BBS9: variants seen among roughly 807,000 people sequenced by gnomAD.
The protein encoded by BBS9 is Bardet-Biedl syndrome 9.
Under a neutral mutation model 117.7 loss-of-function variants are expected in BBS9, and 89 were observed. The observed-to-expected ratio is 0.76, with a 90% CI of 0.64 to 0.90. BBS9 has a LOEUF of 0.90. Among genes scored for constraint, BBS9 ranks in the 40% least tolerant of loss-of-function variants. The pLI is 0.00. For synonymous variants in BBS9, 379 were observed against 370.9 expected, an observed-to-expected ratio of 1.02 and a Z score of -0.25; for missense variants, 982 against 1,042.2, an observed-to-expected ratio of 0.94 and a Z score of 0.80.
intron 19 of BBS9, among the ~76,000 whole-genome samples, chr7:33,424,497 G>T (rs915801619): frequency 6.6e-6 from 1 of 151,988 alleles, no homozygotes; most frequent in African/African-American, 2.4e-5. Flanking sequence ...TCTGAGGCAG[G>T]GTCCAGGAAA....
intron 11 of BBS9, among the ~76,000 whole-genome samples, chr7:33,344,078 G>GTTTTTTTTTTTTTTTTTTTTTTT (rs34530007): frequency 1.5e-5 from 1 of 67,466 alleles, no homozygotes; most frequent in African/African-American, 6.6e-5. Flanking sequence ...TAGGGGATGA[G>GTTTTTTTTTTTTTTTTTTTTTTT]TTTTTTTTTT....
At chr7:33,612,966 C>A (rs1864953068) in intron 21 of BBS9, among the ~76,000 whole-genome samples, 1 of 151,390 alleles carries the variant, frequency 6.6e-6, no homozygotes. Flanking sequence ...AAATAGAGAT[C>A]TATTCATTCA....
chr7:33,501,994 T>A (rs1845516318), intron 19 of BBS9, among the ~76,000 whole-genome samples: 1 of 152,090 alleles, frequency 6.6e-6, no homozygotes, highest in Non-Finnish European at 1.5e-5. Flanking sequence ...CACTGCAACC[T>A]CCGACTCCCT....
intron 17 of BBS9, among the ~76,000 whole-genome samples, chr7:33,376,302 A>G (rs1274464599): frequency 1.3e-5 from 2 of 151,366 alleles, no homozygotes; most frequent in Non-Finnish European, 3.0e-5. Context: ...TGTTGTTGTT[A>G]TTGTTCCTGC....
chr7:33,527,041 C>T (rs1359004456), intron 20 of BBS9, among the ~76,000 whole-genome samples: 1 of 151,516 alleles, frequency 6.6e-6, no homozygotes, highest in Non-Finnish European at 1.5e-5. Context: ...TTGGGGGGTG[C>T]CTCCCAGTTA....
chr7:33,150,181 A>T (rs17169855), intron 2 of BBS9, among the ~76,000 whole-genome samples: 24,642 of 152,214 alleles, frequency 0.16, 2,138 homozygotes, highest in South Asian at 0.21. Flanking sequence ...ATTAAGCCCC[A>T]CTATCTGAGT....
In BBS9 at chr7:33,280,913, T is replaced by C. The variant is rs1415520340; in HGVS notation, c.1016+6957T>C. On this transcript the variant is annotated intron_variant, in intron 9 of 22. Coordinates refer to ENST00000242067, the MANE Select transcript of BBS9 (RefSeq NM_198428.3). ...TTTGCTGTTAATTTGTCGTTTTTGT[T>C]TTTTTTTTTTTTTTTTTGCATTATA... 3.0e-3 allele frequency among the ~76,000 whole-genome samples: 409 copies of C among 135,832 alleles called. 5 individuals are homozygous for C. Among genetic ancestry groups the C allele is most frequent in the African/African-American group, 0.013 (386 of 30,696 alleles). The allele number at this position is 135,832 out of a possible 152,430, so 89.1% of individuals were successfully genotyped here. A position where few individuals can be genotyped will look rare whatever the true frequency, so the allele number is the denominator to read the frequency against.
rs143928785 is a variant in BBS9 at position 33,319,119 on chromosome 7, C to T, written c.1017-17322C>T. Reference sequence around the variant, plus strand: ...CAGAGGTTGCAGTGAGCCAAGATCGCGCCACTGCCCTCCAGCCTGGGTGAC... The same window carrying T: ...CAGAGGTTGCAGTGAGCCAAGATCGTGCCACTGCCCTCCAGCCTGGGTGAC... On this transcript the variant is annotated intron_variant, in intron 9 of 22. Coordinates refer to ENST00000242067, the MANE Select transcript of BBS9 (RefSeq NM_198428.3). Among the ~76,000 whole-genome samples the T allele has an allele frequency of 3.5e-3, 533 of 151,106 alleles. 17 individuals carry two copies. The East Asian group carries it at 0.058, about 16-fold the overall frequency.
At chr7:33,221,955 C>A (rs575512372) in intron 5 of BBS9, among the ~76,000 whole-genome samples, 1 of 151,916 alleles carries the variant, frequency 6.6e-6, no homozygotes, top group African/African-American at 2.4e-5. Flanking sequence ...GGCTAAAGAC[C>A]AAATACAGTA....
At chr7:33,541,882 A>C (rs1023639985) in intron 21 of BBS9, among the ~76,000 whole-genome samples, 1 of 152,202 alleles carries the variant, frequency 6.6e-6, no homozygotes, top group Non-Finnish European at 1.5e-5. Context: ...TGGTGATATG[A>C]CTATACTAAA....
At chr7:33,213,304 T>C (rs547171365) in intron 5 of BBS9, among the ~76,000 whole-genome samples, 1 of 152,252 alleles carries the variant, frequency 6.6e-6, no homozygotes, top group African/African-American at 2.4e-5. Context: ...CCACTGACCA[T>C]GTTCACTTAA....
At chr7:33,288,607 A>T (rs60706230) in intron 9 of BBS9, among the ~76,000 whole-genome samples, 369 of 152,292 alleles carry the variant, frequency 2.4e-3, no homozygotes, top group African/African-American at 8.4e-3. Flanking sequence ...TCAAAAAATT[A>T]CCTTTTATGT....
At chr7:33,192,336 G>A (rs899775445) in intron 5 of BBS9, among the ~76,000 whole-genome samples, 7 of 152,132 alleles carry the variant, frequency 4.6e-5, no homozygotes, top group Non-Finnish European at 8.8e-5. Context: ...GGGTCAAGCT[G>A]CAAATAGGAA....
At chr7:33,346,891 C>G (rs1325770127) in intron 12 of BBS9, among the ~76,000 whole-genome samples, 1 of 152,202 alleles carries the variant, frequency 6.6e-6, no homozygotes, top group Admixed American at 6.5e-5. Flanking sequence ...TTCCTGGTCA[C>G]TATTTTCAAC....
In BBS9 at chr7:33,515,074, A is replaced by G. The variant is rs114335688; in HGVS notation, c.2298+9429A>G. On this transcript the variant is annotated intron_variant, in intron 20 of 22. Coordinates refer to ENST00000242067, the MANE Select transcript of BBS9 (RefSeq NM_198428.3). ...TTACTATTGCCACTGTATGACAACAATGCCATCTACTCTAAGTTATGGCAT... is the reference window on the plus strand; with the variant it reads ...TTACTATTGCCACTGTATGACAACAGTGCCATCTACTCTAAGTTATGGCAT... Among the ~76,000 whole-genome samples, 660 of 152,254 alleles carry G rather than the reference A, an allele frequency of 4.3e-3. 2 individuals are homozygous for G. Among genetic ancestry groups the G allele is most frequent in the African/African-American group, 0.015 (615 of 41,550 alleles).
rs74553315 is a variant in BBS9 at position 33,382,608 on chromosome 7, A to G, written c.1790-1058A>G. Among the ~76,000 whole-genome samples, 3,017 of 152,298 alleles carry G rather than the reference A, an allele frequency of 0.02. 209 individuals are homozygous for G. In the East Asian group the frequency reaches 0.26, roughly 13 times the overall value. Reference sequence around the variant, plus strand: ...TCTCTATATAAATTCAGGAAGACACAATGTTATGAGGCAGTTAAGATTAAT... The same window carrying G: ...TCTCTATATAAATTCAGGAAGACACGATGTTATGAGGCAGTTAAGATTAAT... On this transcript the variant is annotated intron_variant, in intron 17 of 22. Coordinates refer to ENST00000242067, the MANE Select transcript of BBS9 (RefSeq NM_198428.3).
At chr7:33,367,242 A>T (rs1449119690) in intron 16 of BBS9, among the ~76,000 whole-genome samples, 1 of 152,186 alleles carries the variant, frequency 6.6e-6, no homozygotes, top group Non-Finnish European at 1.5e-5. Flanking sequence ...AGAGCTTAAA[A>T]TAAATAGTAT....
At chr7:33,330,173 C>T (rs1813726073) in intron 9 of BBS9, among the ~76,000 whole-genome samples, 1 of 151,914 alleles carries the variant, frequency 6.6e-6, no homozygotes, top group African/African-American at 2.4e-5. Context: ...GCCACCACAC[C>T]CGGCTAAATT....
downstream of BBS9, among the ~76,000 whole-genome samples, chr7:33,609,940 T>C (rs190680475): frequency 2.3e-3 from 343 of 152,200 alleles, 2 homozygotes; most frequent in African/African-American, 7.8e-3. Context: ...TCAACTTCCC[T>C]TTAGCCAGAT....
Sources: gnomAD v4.1 joint callset for allele counts (sites outside exome capture counted in the v4.1 genomes callset) on GRCh38, gnomAD v4.1.1 for gene constraint, MANE v1.5 for transcripts, NCBI Gene and HGNC (gene_info 2026-07-23, HGNC 2026-07-21) for gene names.